Variants in ZNF827 observed in about 807,000 individuals in gnomAD.
ZNF827 encodes zinc finger protein 827.
Under a neutral mutation model 102.4 loss-of-function variants are expected in ZNF827, and 13 were observed. The observed-to-expected ratio is 0.13, with a 90% CI of 0.08 to 0.20. The LOEUF is 0.20. ZNF827 is among the 10% of genes least tolerant of loss of function. The pLI, the probability that ZNF827 is intolerant of heterozygous loss-of-function variation, is 1.00. For missense variants in ZNF827, 1,103 were observed against 1,344.4 expected, an observed-to-expected ratio of 0.82 and a Z score of 2.81; for synonymous variants, 523 against 536.2, an observed-to-expected ratio of 0.98 and a Z score of 0.34.
At chr4:145,889,698 C>A (rs1282852274) in intron 3 of ZNF827, among the ~76,000 whole-genome samples, 2 of 152,056 alleles carry the variant, frequency 1.3e-5, no homozygotes, top group Non-Finnish European at 2.9e-5. Flanking sequence ...TGTCCACGGC[C>A]GGGTGCAGTG....
At chr4:145,776,094 C>T (rs1482936498) in intron 9 of ZNF827, 134 bp from the exon 10 acceptor site, 2 of 988,418 alleles carry the variant, frequency 2.0e-6, no homozygotes, top group African/African-American at 1.6e-5. Flanking sequence ...ATGGTAATGC[C>T]TAGGAATTGT....
rs149526585 is a variant in ZNF827 at position 145,842,415 on chromosome 4, G to A, written c.2279+3541C>T. On this transcript the variant is annotated intron_variant, in intron 7 of 14. Transcript: ENST00000508784. ...TTCGTGTTCTCTTGGTGCAGGACAC[G>A]GGCATCAGCACTCCCATGACTCACT... Among the ~76,000 whole-genome samples the A allele has an allele frequency of 1.5e-4, 23 of 152,256 alleles. No individual in the cohort carries two copies. In the East Asian group the frequency reaches 2.9e-3, roughly 19 times the overall value.
At chr4:145,888,016 A>G (rs10000888) in intron 3 of ZNF827, among the ~76,000 whole-genome samples, 85,441 of 152,078 alleles carry the variant, frequency 0.56, 24,401 homozygotes, top group East Asian at 0.82. Flanking sequence ...GACAGAGCAC[A>G]AGCCCAAGTT....
At chr4:145,849,073 G>A (rs930434953) in intron 6 of ZNF827, among the ~76,000 whole-genome samples, 14 of 152,062 alleles carry the variant, frequency 9.2e-5, no homozygotes, top group Admixed American at 7.2e-4. Flanking sequence ...AATCATTTGC[G>A]CAGAATTGAA....
intron 11 of ZNF827, among the ~76,000 whole-genome samples, chr4:145,771,901 A>G (rs550351700): frequency 6.6e-6 from 1 of 152,378 alleles, no homozygotes; most frequent in African/African-American, 2.4e-5. Context: ...AACAAGGCTC[A>G]TAAAATTAGA....
At chr4:145,801,653 T>G (rs552545299) in intron 8 of ZNF827, among the ~76,000 whole-genome samples, 4 of 152,370 alleles carry the variant, frequency 2.6e-5, no homozygotes, top group African/African-American at 9.6e-5. Flanking sequence ...ACCTTTGGCA[T>G]AATTAATGAT....
intron 1 of ZNF827, among the ~76,000 whole-genome samples, chr4:145,927,311 C>T (rs1753496149): frequency 1.3e-5 from 2 of 152,180 alleles, no homozygotes; most frequent in Non-Finnish European, 2.9e-5. Flanking sequence ...TCTGCTTAGT[C>T]CCTGCTCTCA....
rs78482998 is a variant in ZNF827, at chr4:145,851,697, C to T, written c.1982-2136G>A. ...GTGTGGTATTTACTTTAGATCCCTC[C>T]CCCCTTTCCCTACTCCTGCCAAGCT... On this transcript the variant is annotated intron_variant, in intron 5 of 14. Transcript: ENST00000508784. 1.9e-3 allele frequency among the ~76,000 whole-genome samples: 287 copies of T among 152,186 alleles called. 2 individuals are homozygous for T. Among genetic ancestry groups the T allele is most frequent in the African/African-American group, 6.4e-3 (265 of 41,516 alleles).
intron 8 of ZNF827, among the ~76,000 whole-genome samples, chr4:145,787,407 A>G (rs1346616776): frequency 6.8e-6 from 1 of 147,728 alleles, no homozygotes; most frequent in East Asian, 2.0e-4. Context: ...GATTGCAGTG[A>G]GCTGAGACCA....
intron 8 of ZNF827, among the ~76,000 whole-genome samples, chr4:145,785,245 T>C (rs1479136948): frequency 2.0e-5 from 3 of 152,202 alleles, no homozygotes; most frequent in African/African-American, 7.2e-5. Context: ...TGATGAGGAC[T>C]AGTTGGCCAA....
chr4:145,927,405 GA>G (rs1231981686), intron 1 of ZNF827, among the ~76,000 whole-genome samples: 7 of 152,306 alleles, frequency 4.6e-5, no homozygotes, highest in African/African-American at 1.7e-4. Context: ...ATAAACTTAT[GA>G]AGTGCTGATC....
intron 5 of ZNF827, among the ~76,000 whole-genome samples, chr4:145,863,486 G>A (rs1183847328): frequency 6.6e-6 from 1 of 152,114 alleles, no homozygotes; most frequent in Non-Finnish European, 1.5e-5. Context: ...ACATCCAAAT[G>A]TCTTCATAAA....
intron 7 of ZNF827, chr4:145,831,831 T>C (rs1040964631): frequency 1.3e-5 from 2 of 151,472 alleles, no homozygotes; most frequent in Admixed American, 1.3e-4. Context: ...TTGTTCAATA[T>C]GGGTGATGGG....
chr4:145,885,600 T>C, intron 4 of ZNF827, 78 bp downstream of exon 4: 1 of 1,449,446 alleles, frequency 6.9e-7, no homozygotes, highest in Non-Finnish European at 9.0e-7. Flanking sequence ...AGAATACTGG[T>C]AGACAGAGAC....
chr4:145,903,014 T>C lies in ZNF827; in HGVS notation c.245A>G (p.Glu82Gly). ...GACCTCACTGTCCAGTGCCACCAGC[T>C]CCAACGTGTGGCTGCTGGGAGTCGT... ...GSTTPSSHTL[E>G]LVALDSEVLR... Residue 82 changes from glutamate to glycine, a missense_variant, in exon 2 of 15, where the codon GAG (glutamate) becomes GGG (glycine). This residue lies in a region of ZNF827 where 441 missense variants were observed against 458.6 expected (regional missense o/e 0.96). Coordinates refer to ENST00000508784, the MANE Select transcript of ZNF827 (RefSeq NM_001306215.2). The C allele has an allele frequency of 1.2e-6, 2 of 1,614,112 alleles. No individual in the cohort carries two copies. The highest frequency in any genetic ancestry group is 1.7e-6 in the Non-Finnish European group (2 of 1,180,028).
intron 1 of ZNF827, among the ~76,000 whole-genome samples, chr4:145,938,144 A>G (rs1192450908): frequency 6.6e-6 from 1 of 151,942 alleles, no homozygotes; most frequent in South Asian, 2.1e-4. Flanking sequence ...AGAGAAAGAA[A>G]GAAAAAGAGA....
intron 8 of ZNF827, among the ~76,000 whole-genome samples, chr4:145,794,885 A>T (rs977326094): frequency 2.0e-5 from 3 of 152,214 alleles, no homozygotes; most frequent in African/African-American, 7.2e-5. Flanking sequence ...ACCATGGGTT[A>T]AAAAGTGAGT....
At chr4:145,859,343 T>A (rs1044432218) in intron 5 of ZNF827, among the ~76,000 whole-genome samples, 32 of 151,750 alleles carry the variant, frequency 2.1e-4, no homozygotes, top group African/African-American at 7.8e-4. Flanking sequence ...AGGAAGGAGG[T>A]CACAAAGAAG....
chr4:145,878,542 G>T lies in ZNF827; in HGVS notation c.1747+7136C>A, dbSNP rs181949442. 1.8e-4 allele frequency among the ~76,000 whole-genome samples: 25 copies of T among 142,748 alleles called. No individual in the cohort carries two copies. In the East Asian group the frequency reaches 4.1e-3, roughly 23 times the overall value. The allele number at this position is 142,748 out of a possible 152,430, so 93.6% of individuals were successfully genotyped here. A position where few individuals can be genotyped will look rare whatever the true frequency, so the allele number is the denominator to read the frequency against. On this transcript the variant is annotated intron_variant, in intron 4 of 14. Transcript: ENST00000508784. ...GGGTGACAGAGTAAGACCTCATCTC[G>T]AAAGAAAAAAAAGACAAGACAGGAC...
Sources: gnomAD v4.1 joint callset for allele counts (sites outside exome capture counted in the v4.1 genomes callset) on GRCh38, gnomAD v4.1.1 for gene constraint, gnomAD v4.1.1 regional missense constraint, MANE v1.5 for transcripts, NCBI Gene and HGNC (gene_info 2026-07-23, HGNC 2026-07-21) for gene names.